PTPRM: variants seen among roughly 807,000 people sequenced by gnomAD.
The protein encoded by PTPRM is receptor-type tyrosine-protein phosphatase mu.
In PTPRM, 47 loss-of-function variants were observed where a neutral mutation model predicts 186.7. The ratio of observed to expected loss-of-function variants is 0.25; its 90% CI spans 0.20 to 0.32. The LOEUF (loss-of-function observed/expected upper bound fraction) is 0.32, where lower values mean the gene tolerates loss of function less well. Among genes scored for constraint, PTPRM ranks in the 10% least tolerant of loss-of-function variants. The probability of loss-of-function intolerance (pLI) is 1.00; values close to 1 mark genes in which losing one functional copy is unlikely to be tolerated. For missense variants in PTPRM, 1,494 were observed against 1,865.0 expected (o/e 0.80, Z 3.66); for synonymous variants, 668 against 674.9 (o/e 0.99, Z 0.16).
intron 23 of PTPRM, among the ~76,000 whole-genome samples, chr18:8,351,618 T>C (rs1259427539): frequency 2.0e-5 from 3 of 152,224 alleles, no homozygotes; most frequent in African/African-American, 7.2e-5. Flanking sequence ...AGTTTGCACC[T>C]TGCCTTGAAT....
In PTPRM at chr18:7,817,873, C is replaced by T. The variant is rs148802308; in HGVS notation, c.196+43602C>T. 7.0e-4 allele frequency among the ~76,000 whole-genome samples: 107 copies of T among 152,192 alleles called. 1 individual carries two copies. The highest frequency in any genetic ancestry group is 2.5e-3 in the African/African-American group (102 of 41,512). On this transcript the variant is annotated intron_variant, in intron 2 of 32. Coordinates refer to ENST00000580170, the MANE Select transcript of PTPRM (RefSeq NM_001105244.2). ...TGGTCTCCGCTTGGAGTAAGACTCC[C>T]GGAAGCTGGAAGGGAATGAGGCTAC... is the stretch of plus-strand genomic sequence containing the variant.
intron 22 of PTPRM, among the ~76,000 whole-genome samples, chr18:8,324,238 T>G (rs570709389): frequency 6.6e-6 from 1 of 152,298 alleles, no homozygotes; most frequent in African/African-American, 2.4e-5. Flanking sequence ...CTAAAATGTT[T>G]ACTAGCCTAA....
intron 2 of PTPRM, among the ~76,000 whole-genome samples, chr18:7,849,498 A>G (rs531218903): frequency 9.2e-5 from 14 of 152,340 alleles, no homozygotes; most frequent in African/African-American, 2.9e-4. Flanking sequence ...TCTAGCTCCA[A>G]TTCTTAAGTG....
chr18:8,161,401 A>G (rs575393036), intron 14 of PTPRM, among the ~76,000 whole-genome samples: 2 of 152,260 alleles, frequency 1.3e-5, no homozygotes, highest in South Asian at 4.1e-4. Flanking sequence ...GGGCCAGTAG[A>G]GTTGACCTGT....
chr18:7,987,539 A>G (rs532314638), intron 7 of PTPRM, among the ~76,000 whole-genome samples: 2 of 152,222 alleles, frequency 1.3e-5, no homozygotes, highest in South Asian at 2.1e-4. Context: ...GTGAGTGGAG[A>G]CAAACCTACA....
chr18:8,279,711 A>C (rs1601607288), intron 19 of PTPRM, among the ~76,000 whole-genome samples: 1 of 152,198 alleles, frequency 6.6e-6, no homozygotes, highest in Admixed American at 6.5e-5. Context: ...TTCACTATGG[A>C]GAGGATGCTC....
intron 2 of PTPRM, among the ~76,000 whole-genome samples, chr18:7,860,899 G>A (rs1315733976): frequency 6.6e-6 from 1 of 152,166 alleles, no homozygotes; most frequent in African/African-American, 2.4e-5. Flanking sequence ...CATTTCAAAT[G>A]AATTATGCTG....
chr18:8,125,925 T>C (rs2092322793), intron 13 of PTPRM, among the ~76,000 whole-genome samples: 1 of 142,386 alleles, frequency 7.0e-6, no homozygotes, highest in African/African-American at 2.6e-5. Context: ...TATGATTTAA[T>C]AACCCAGCCA....
chr18:8,239,951 G>A (rs533527919), intron 14 of PTPRM, among the ~76,000 whole-genome samples: 1 of 152,170 alleles, frequency 6.6e-6, no homozygotes, highest in African/African-American at 2.4e-5. Flanking sequence ...CAAACCATTT[G>A]TTGTAAATCA....
intron 13 of PTPRM, among the ~76,000 whole-genome samples, chr18:8,131,915 C>A (rs2092520608): frequency 6.6e-6 from 1 of 152,216 alleles, no homozygotes; most frequent in Non-Finnish European, 1.5e-5. Flanking sequence ...GTATATCGAT[C>A]AGTATCTCTG....
chr18:7,848,634 A>G (rs1164746056), intron 2 of PTPRM, among the ~76,000 whole-genome samples: 1 of 151,972 alleles, frequency 6.6e-6, no homozygotes, highest in Non-Finnish European at 1.5e-5. Context: ...TTAGCCAGGA[A>G]TGCCTGTAGT....
intron 2 of PTPRM, among the ~76,000 whole-genome samples, chr18:7,791,689 A>G (rs1453038713): frequency 6.6e-6 from 1 of 152,160 alleles, no homozygotes; most frequent in Non-Finnish European, 1.5e-5. Flanking sequence ...CTTCTGCCCC[A>G]CTTGGCCTTA....
chr18:8,056,917 A>G (rs2088005613), intron 7 of PTPRM, among the ~76,000 whole-genome samples: 1 of 152,074 alleles, frequency 6.6e-6, no homozygotes, highest in Non-Finnish European at 1.5e-5. Flanking sequence ...GATGCTGCTC[A>G]TAGCACTGCT....
rs555631710 is a variant in PTPRM, at chr18:7,570,890, C to T, written c.73+2999C>T. On this transcript the variant is annotated intron_variant, in intron 1 of 32. Coordinates refer to ENST00000580170, the MANE Select transcript of PTPRM (RefSeq NM_001105244.2). ...ACTGGAAAAGTATTAGGATTTGGGC[C>T]TGTGATGACATTGCTTACTTATAAT... Among the ~76,000 whole-genome samples the T allele has an allele frequency of 5.0e-4, 76 of 151,576 alleles. 1 individual carries two copies. The highest frequency in any genetic ancestry group is 1.7e-3 in the African/African-American group (69 of 41,346).
intron 19 of PTPRM, among the ~76,000 whole-genome samples, chr18:8,265,593 C>T (rs941101039): frequency 3.9e-5 from 6 of 152,198 alleles, no homozygotes; most frequent in Non-Finnish European, 8.8e-5. Context: ...TCTTATTAAC[C>T]TCATGGCAGA....
chr18:7,924,893 C>G (rs1199947338), intron 4 of PTPRM, among the ~76,000 whole-genome samples: 4 of 152,152 alleles, frequency 2.6e-5, no homozygotes, highest in Non-Finnish European at 5.9e-5. Context: ...GGGAGAGGCA[C>G]TGTGGCTTCG....
intron 14 of PTPRM, among the ~76,000 whole-genome samples, chr18:8,150,703 T>C (rs959000609): frequency 6.6e-6 from 1 of 152,164 alleles, no homozygotes; most frequent in African/African-American, 2.4e-5. Flanking sequence ...CGAGGAATTA[T>C]GATCCTTTGG....
At chr18:8,233,416 A>G (rs956303908) in intron 14 of PTPRM, among the ~76,000 whole-genome samples, 1 of 152,214 alleles carries the variant, frequency 6.6e-6, no homozygotes, top group Non-Finnish European at 1.5e-5. Context: ...CTTATAACAT[A>G]TGGTGCAGAG....
At chr18:7,795,809 T>C (rs1239478137) in intron 2 of PTPRM, among the ~76,000 whole-genome samples, 1 of 143,690 alleles carries the variant, frequency 7.0e-6, no homozygotes, top group African/African-American at 2.8e-5. Context: ...TTTCTTTCTT[T>C]CTTTTTTTTT....
Sources: allele counts gnomAD v4.1 joint callset (sites outside exome capture counted in the v4.1 genomes callset), GRCh38; gene constraint gnomAD v4.1.1; transcripts MANE v1.5; gene names NCBI Gene and HGNC (gene_info 2026-07-23, HGNC 2026-07-21).